Variants in CSMD1 observed in about 807,000 individuals in gnomAD.
CSMD1 encodes the protein CUB and Sushi multiple domains 1.
Under a neutral mutation model 417.5 loss-of-function variants are expected in CSMD1, and 213 were observed. The observed-to-expected ratio is 0.51, with a 90% CI of 0.46 to 0.57. The LOEUF is 0.57. CSMD1 is among the 20% of genes least tolerant of loss of function. The pLI is 0.00. For synonymous variants in CSMD1, 2,862 were observed against 1,736.8 expected (o/e 1.65, Z -16.11); for missense variants, 6,923 against 4,529.7 (o/e 1.53, Z -15.17).
chr8:4,231,094 T>C (rs1801696701), intron 3 of CSMD1, among the ~76,000 whole-genome samples: 1 of 152,194 alleles, frequency 6.6e-6, no homozygotes, highest in African/African-American at 2.4e-5. Context: ...AAATTAAGCA[T>C]TTCTCCACCA....
chr8:3,647,471 C>G (rs144705224), intron 7 of CSMD1, among the ~76,000 whole-genome samples: 3 of 152,044 alleles, frequency 2.0e-5, no homozygotes, highest in African/African-American at 7.2e-5. Context: ...GAGAAAAATA[C>G]AGCATAAAAA....
chr8:4,968,851 A>G (rs1810053509), intron 1 of CSMD1, among the ~76,000 whole-genome samples: 1 of 152,162 alleles, frequency 6.6e-6, no homozygotes, highest in Admixed American at 6.6e-5. Flanking sequence ...GATCTACTGC[A>G]CACCGCTTAG....
intron 1 of CSMD1, among the ~76,000 whole-genome samples, chr8:4,811,586 G>C (rs1391119422): frequency 2.6e-5 from 4 of 151,896 alleles, no homozygotes; most frequent in Non-Finnish European, 4.4e-5. Context: ...CTCATCCTTT[G>C]GCAATAATTA....
rs979959174 is a variant in CSMD1 at position 4,395,753 on chromosome 8, T to C, written c.415+24200A>G. 4.1e-5 allele frequency among the ~76,000 whole-genome samples: 6 copies of C among 146,910 alleles called. No homozygotes were observed. The South Asian group carries it at 6.4e-4, about 16-fold the overall frequency. On this transcript the variant is annotated intron_variant, in intron 3 of 69. Transcript: ENST00000635120. ...TACAAATGTTTCTGCTGTGTAAGCA[T>C]TTGTAAAAAAAAATGCTAAGTGGAA...
intron 31 of CSMD1, among the ~76,000 whole-genome samples, chr8:3,202,597 C>A (rs1459048592): frequency 2.0e-5 from 3 of 152,150 alleles, no homozygotes; most frequent in Admixed American, 6.5e-5. Flanking sequence ...ACAACTAATT[C>A]TTTTCTTATT....
At chr8:3,276,094 C>T (rs976994461) in intron 26 of CSMD1, among the ~76,000 whole-genome samples, 3 of 152,080 alleles carry the variant, frequency 2.0e-5, no homozygotes, top group African/African-American at 4.8e-5. Flanking sequence ...TGTTGATGTA[C>T]AGATGGGTTT....
At chr8:4,923,720 T>A (rs1308112374) in intron 1 of CSMD1, among the ~76,000 whole-genome samples, 1 of 152,156 alleles carries the variant, frequency 6.6e-6, no homozygotes, top group African/African-American at 2.4e-5. Context: ...GGAGTTAGCA[T>A]GATTACAGAA....
At chr8:3,917,180 A>G (rs564231653) in intron 5 of CSMD1, among the ~76,000 whole-genome samples, 7 of 152,292 alleles carry the variant, frequency 4.6e-5, no homozygotes, top group Admixed American at 3.9e-4. Flanking sequence ...ACAAATATTT[A>G]TGGAGCGCTT....
chr8:4,167,355 G>A (rs1563213584), intron 3 of CSMD1, among the ~76,000 whole-genome samples: 2 of 152,082 alleles, frequency 1.3e-5, no homozygotes, highest in Non-Finnish European at 2.9e-5. Context: ...AAGGGTGCCT[G>A]GTGACACTTC....
chr8:4,828,241 A>T (rs1799946413), intron 1 of CSMD1, among the ~76,000 whole-genome samples: 1 of 152,212 alleles, frequency 6.6e-6, no homozygotes, highest in Admixed American at 6.5e-5. Flanking sequence ...CCAATATTAT[A>T]TGAAAAGATA....
chr8:3,809,852 A>C (rs1205604575), intron 5 of CSMD1, among the ~76,000 whole-genome samples: 1 of 152,084 alleles, frequency 6.6e-6, no homozygotes, highest in Non-Finnish European at 1.5e-5. Context: ...CTCTAGAAAA[A>C]CTGGTGAGAA....
Position 3,018,496 on chromosome 8 carries a change from G to T in CSMD1, c.8010C>A (p.Gly2670=), listed in dbSNP as rs756802406. The part of the protein sequence containing the change: ...RECLANGLWS[G]SETRCLAGHC... ...ATTTACCCAGACATCGAGTTTCGCT[G>T]CCGCTCCAGAGCCCATTTGCCAAGC... is the stretch of plus-strand genomic sequence containing the variant. The change falls in exon 52 of 70, where the codon GGC becomes GGA. Residue 2670 remains glycine (G), a synonymous_variant. Transcript: ENST00000635120. The T allele has an allele frequency of 6.2e-7, 1 of 1,613,136 alleles. No homozygotes were observed. Among genetic ancestry groups the T allele is most frequent in the South Asian group, 1.1e-5 (1 of 90,914 alleles).
intron 12 of CSMD1, among the ~76,000 whole-genome samples, chr8:3,432,740 T>G (rs1413430430): frequency 6.6e-6 from 1 of 152,150 alleles, no homozygotes; most frequent in Non-Finnish European, 1.5e-5. Context: ...GGTCTTGCTC[T>G]CTTGACCTCG....
chr8:4,577,402 T>G (rs913858892), intron 2 of CSMD1, among the ~76,000 whole-genome samples: 1 of 152,114 alleles, frequency 6.6e-6, no homozygotes, highest in Non-Finnish European at 1.5e-5. Context: ...TCCTCTCAAG[T>G]CGGGGAAATG....
chr8:3,564,580 C>T (rs1799618184), intron 10 of CSMD1, among the ~76,000 whole-genome samples: 1 of 144,818 alleles, frequency 6.9e-6, no homozygotes, highest in South Asian at 2.2e-4. Flanking sequence ...AAATCAAAAG[C>T]ATGGCCCTTG....
chr8:3,824,655 G>T (rs889587923), intron 5 of CSMD1, among the ~76,000 whole-genome samples: 2 of 152,130 alleles, frequency 1.3e-5, no homozygotes, highest in Non-Finnish European at 2.9e-5. Context: ...AATAGCATTT[G>T]TTATATATTG....
chr8:3,152,050 T>G (rs535767736), intron 39 of CSMD1, among the ~76,000 whole-genome samples: 1 of 152,320 alleles, frequency 6.6e-6, no homozygotes, highest in African/African-American at 2.4e-5. Flanking sequence ...AGAAGGTCAT[T>G]CCAGCTGCGT....
intron 5 of CSMD1, among the ~76,000 whole-genome samples, chr8:3,867,219 C>T (rs958449519): frequency 6.6e-6 from 1 of 152,040 alleles, no homozygotes; most frequent in Admixed American, 6.6e-5. Flanking sequence ...TGAATTAATG[C>T]ATGAATAAAT....
intron 49 of CSMD1, among the ~76,000 whole-genome samples, chr8:3,059,925 T>C (rs894879901): frequency 1.3e-5 from 2 of 152,124 alleles, no homozygotes; most frequent in African/African-American, 4.8e-5. Flanking sequence ...AGGAGTTTTA[T>C]CTTAGCAGTG....
Sources: gnomAD v4.1 joint callset for allele counts (sites outside exome capture counted in the v4.1 genomes callset) on GRCh38, gnomAD v4.1.1 for gene constraint, MANE v1.5 for transcripts, NCBI Gene and HGNC (gene_info 2026-07-23, HGNC 2026-07-21) for gene names.